The following CIITA variants were observed in gnomAD, a reference collection of about 807,000 sequenced individuals.
CIITA encodes the protein class II major histocompatibility complex transactivator.
Under a neutral mutation model 115.1 loss-of-function variants are expected in CIITA, and 72 were observed. The observed-to-expected ratio is 0.63, with a 90% CI of 0.52 to 0.76. The LOEUF (loss-of-function observed/expected upper bound fraction) is 0.76, where lower values mean the gene tolerates loss of function less well. Ranked by LOEUF, CIITA falls within the 30% of genes least tolerant of loss-of-function variation. CIITA has a pLI of 0.00. For synonymous variants in CIITA, 763 were observed against 635.6 expected (o/e 1.20, Z -3.02); for missense variants, 1,617 against 1,463.8 (o/e 1.10, Z -1.71).
intron 16 of CIITA, among the ~76,000 whole-genome samples, chr16:10,921,690 C>A (rs948273614): frequency 1.3e-5 from 2 of 152,208 alleles, no homozygotes. Flanking sequence ...AGTTTCCACA[C>A]AGTAAGGCAA....
rs754894941 is a variant in CIITA, at chr16:10,901,843, A to G, written c.482-195A>G. 1 of 829,094 alleles carries G rather than the reference A, an allele frequency of 1.2e-6. No individual in the cohort carries two copies. The highest frequency in any genetic ancestry group is 2.0e-6 in the Non-Finnish European group (1 of 507,674). The allele number at this position is 829,094 out of a possible 1,614,324, so 51.4% of individuals were successfully genotyped here. On this transcript the variant is annotated intron_variant, in intron 6 of 19. Transcript: ENST00000324288. This position sits in a 1 kb window ranked among gnomAD's most constrained non-coding sequence, Gnocchi z 6.8. ...GGGTCCTGCTCAGCATAGCTCTCAG[A>G]GCCAAGTCACAAGGAGAGGACTGGG...
chr16:10,914,654 C>G (rs1187835844), intron 13 of CIITA, among the ~76,000 whole-genome samples: 3 of 152,166 alleles, frequency 2.0e-5, no homozygotes, highest in Non-Finnish European at 4.4e-5. Context: ...GAAGTCTGCT[C>G]TAAATGTTGA....
chr16:10,881,626 G>A (rs537052960), intron 1 of CIITA, among the ~76,000 whole-genome samples: 10 of 152,142 alleles, frequency 6.6e-5, no homozygotes, highest in East Asian at 1.9e-4. Flanking sequence ...TTGCTTTTCC[G>A]TTTATACATG....
chr16:10,872,235 G>T (rs1261155171), upstream of CIITA, among the ~76,000 whole-genome samples: 1 of 151,928 alleles, frequency 6.6e-6, no homozygotes, highest in Non-Finnish European at 1.5e-5. Context: ...CAATTCTCCT[G>T]CCTCAGCCTC....
chr16:10,895,938 G>A (rs1306213237), intron 3 of CIITA, among the ~76,000 whole-genome samples, 174 bp downstream of exon 3: 3 of 152,082 alleles, frequency 2.0e-5, no homozygotes, highest in South Asian at 2.1e-4. Context: ...AGAGAGGGGA[G>A]ATGGAGGCCA....
At chr16:10,866,551 C>A (rs763714508) in intron 1 of CIITA, 2 of 547,304 alleles carry the variant, frequency 3.7e-6, no homozygotes, top group Non-Finnish European at 7.2e-6. Flanking sequence ...CGAGAGGGGC[C>A]CCGGCCACAG....
At position 10,900,655 on chromosome 16, in the gene CIITA, G is replaced by A. The variant is rs540245228; in HGVS notation, c.437-859G>A. Among the ~76,000 whole-genome samples, 10 of 151,872 alleles carry A rather than the reference G, an allele frequency of 6.6e-5. No homozygotes were observed. In the East Asian group the frequency reaches 7.8e-4, roughly 12 times the overall value. On this transcript the variant is annotated intron_variant, in intron 5 of 19. Coordinates refer to ENST00000324288, the MANE Select transcript of CIITA (RefSeq NM_000246.4). ...CCAGGGAGGCTAGGGTGGGAGAATC[G>A]CTTGAACCTAAGAAGCAGAGGTTGC...
chr16:10,892,180 C>T (rs1239998270), intron 1 of CIITA, among the ~76,000 whole-genome samples: 2 of 152,028 alleles, frequency 1.3e-5, no homozygotes, highest in Admixed American at 6.6e-5. Flanking sequence ...AAAAATTAGC[C>T]AGGCATGGTG....
At position 10,907,238 on chromosome 16, in the gene CIITA, T is replaced by C. The variant is rs769523379; in HGVS notation, c.1746T>C (p.Phe582=). Reference sequence around the variant, plus strand: ...CCCAGGCATACGTGATGCGCTACTTTGAGAGCTCAGGGATGACAGAGCACC... The same window carrying C: ...CCCAGGCATACGTGATGCGCTACTTCGAGAGCTCAGGGATGACAGAGCACC... The part of the protein sequence containing the change: ...EQAQAYVMRY[F]ESSGMTEHQD... Residue 582 remains phenylalanine, a synonymous_variant, in exon 11 of 20, where the codon TTT becomes TTC. Coordinates refer to ENST00000324288, the MANE Select transcript of CIITA (RefSeq NM_000246.4). This position sits in a 1 kb window ranked among gnomAD's most constrained non-coding sequence, Gnocchi z 5.0. The C allele has an allele frequency of 1.2e-6, 2 of 1,613,208 alleles. No individual in the cohort carries two copies. The highest frequency in any genetic ancestry group is 1.1e-5 in the South Asian group (1 of 91,070).
At chr16:10,896,958 G>T (rs930493087) in intron 3 of CIITA, among the ~76,000 whole-genome samples, 5 of 152,248 alleles carry the variant, frequency 3.3e-5, no homozygotes, top group Non-Finnish European at 1.5e-5. Flanking sequence ...AAGCAGAAGT[G>T]ATTGGGGCTG....
Position 10,906,869 on chromosome 16 carries a change from G to A in CIITA, c.1377G>A (p.Pro459=), listed in dbSNP as rs749946306. The A allele has an allele frequency of 6.0e-5, 96 of 1,613,258 alleles. No individual in the cohort carries two copies. Among genetic ancestry groups the A allele is most frequent in the Non-Finnish European group, 7.5e-5 (88 of 1,180,048 alleles). The change falls in exon 11 of 20, where the codon CCG becomes CCA. Residue 459 remains proline, a synonymous_variant. Coordinates refer to ENST00000324288, the MANE Select transcript of CIITA (RefSeq NM_000246.4). ...FSVPCHCLNR[P]GDAYGLQDLL... ...TCCCCTGCCATTGCTTGAACCGTCCGGGGGATGCCTATGGCCTGCAGGATC... is the reference window on the plus strand; with the variant it reads ...TCCCCTGCCATTGCTTGAACCGTCCAGGGGATGCCTATGGCCTGCAGGATC...
intron 12 of CIITA, 119 bp downstream of exon 12, chr16:10,909,306 C>A: frequency 2.8e-6 from 3 of 1,072,136 alleles, no homozygotes; most frequent in African/African-American, 1.5e-5. Context: ...ACACCCCATG[C>A]CCTCTTTCTG....
intron 16 of CIITA, among the ~76,000 whole-genome samples, chr16:10,921,870 C>T (rs1000329163): frequency 2.6e-5 from 4 of 152,188 alleles, no homozygotes; most frequent in African/African-American, 9.6e-5. Context: ...ACACTGAGAT[C>T]CTAGAAGCAA....
Position 10,880,408 on chromosome 16 carries a change from G to C in CIITA, c.52+3026G>C, listed in dbSNP as rs867504868. Among the ~76,000 whole-genome samples the C allele has an allele frequency of 1.4e-4, 21 of 152,324 alleles. 1 individual carries two copies. Among genetic ancestry groups the C allele is most frequent in the Middle Eastern group, 6.8e-3 (2 of 294 alleles). On this transcript the variant is annotated intron_variant, in intron 1 of 19. Transcript: ENST00000324288. ...CAAGTCAGAGACACTGGGAGGCGCT[G>C]ATGTGGTCTCATCTCTTTACTCTCT...
At chr16:10,899,855 G>A (rs55724950) in intron 5 of CIITA, among the ~76,000 whole-genome samples, 2,966 of 152,162 alleles carry the variant, frequency 0.019, 40 homozygotes, top group Non-Finnish European at 0.031. Context: ...CAAGGGGGAC[G>A]GATCACTTGA....
chr16:10,922,303 G>C, intron 17 of CIITA, 53 bp downstream of exon 17: 1 of 1,598,788 alleles, frequency 6.3e-7, no homozygotes, highest in East Asian at 2.2e-5. Flanking sequence ...GGGAGACACT[G>C]AAGTCTCTCC....
Position 10,923,370 on chromosome 16 carries a change from G to A in CIITA, c.*22+45G>A, listed in dbSNP as rs2040379313. 1.4e-6 allele frequency: 2 copies of A among 1,460,354 alleles called. No homozygotes were observed. Among genetic ancestry groups the A allele is most frequent in the Non-Finnish European group, 1.9e-6 (2 of 1,042,628 alleles). The allele number at this position is 1,460,354 out of a possible 1,614,324, so 90.5% of individuals were successfully genotyped here. A position where few individuals can be genotyped will look rare whatever the true frequency, so the allele number is the denominator to read the frequency against. On this transcript the variant is annotated intron_variant, in intron 19 of 19. Transcript: ENST00000324288. The surrounding 1 kb of genome is among the most constrained non-coding windows in gnomAD (Gnocchi z 5.2). ...GAGGGGAGAGCCGCAGTGGGTTGGGGGCAGTGTCCTTGTGAAGGTGGCATT... is the reference window on the plus strand; with the variant it reads ...GAGGGGAGAGCCGCAGTGGGTTGGGAGCAGTGTCCTTGTGAAGGTGGCATT...
chr16:10,879,038 C>G lies in CIITA; in HGVS notation c.52+1656C>G, dbSNP rs149868855. ...GCAGCGCGCGCGGGAGCCCGGGGAA[C>G]AGCGGTAGGTGACCAAAGTCTCCTC... On this transcript the variant is annotated intron_variant, in intron 1 of 19. Transcript: ENST00000324288. The surrounding 1 kb of genome is among the most constrained non-coding windows in gnomAD (Gnocchi z 4.3). 126 of 215,040 alleles carry G rather than the reference C, an allele frequency of 5.9e-4. No individual in the cohort carries two copies. The highest frequency in any genetic ancestry group is 2.5e-3 in the African/African-American group (111 of 44,304). 13.3% of individuals were successfully genotyped at this position (215,040 alleles called of 1,614,324 possible).
At chr16:10,887,815 C>G (rs1199958715) in intron 1 of CIITA, among the ~76,000 whole-genome samples, 2 of 152,132 alleles carry the variant, frequency 1.3e-5, no homozygotes, top group African/African-American at 4.8e-5. Context: ...GCTCTTTAAT[C>G]ACAGTTCAGA....
Sources: gnomAD v4.1 joint callset for allele counts (sites outside exome capture counted in the v4.1 genomes callset) on GRCh38, gnomAD v4.1.1 for gene constraint, Gnocchi (gnomAD v3.1) non-coding constraint, MANE v1.5 for transcripts, NCBI Gene and HGNC (gene_info 2026-07-23, HGNC 2026-07-21) for gene names.